Variants in CEP126 observed in about 807,000 individuals in gnomAD.
CEP126 encodes centrosomal protein 126.
In CEP126, 74 loss-of-function variants were observed where a neutral mutation model predicts 107.8. The ratio of observed to expected loss-of-function variants is 0.69; its 90% confidence interval spans 0.57 to 0.83. The LOEUF (loss-of-function observed/expected upper bound fraction) is 0.83, where lower values mean the gene tolerates loss of function less well. CEP126 is among the 40% of genes least tolerant of loss of function. CEP126 has a pLI of 0.00. For synonymous variants in CEP126, 449 were observed against 446.0 expected (o/e 1.01, Z -0.08); for missense variants, 1,237 against 1,281.9 (o/e 0.96, Z 0.53).
At chr11:101,975,240 TG>T (rs1401302979) in intron 6 of CEP126, among the ~76,000 whole-genome samples, 2 of 152,234 alleles carry the variant, frequency 1.3e-5, no homozygotes, top group Non-Finnish European at 2.9e-5. Flanking sequence ...GTTCGTCAAT[TG>T]TGAAATCAAC....
chr11:101,984,011 C>A (rs751815557), intron 8 of CEP126, among the ~76,000 whole-genome samples: 6 of 152,202 alleles, frequency 3.9e-5, no homozygotes, highest in Non-Finnish European at 7.3e-5. Flanking sequence ...TATTCTTTGA[C>A]AACTGTTCTT....
intron 6 of CEP126, among the ~76,000 whole-genome samples, chr11:101,972,166 G>A (rs1591289437): frequency 6.6e-6 from 1 of 151,810 alleles, no homozygotes; most frequent in South Asian, 2.1e-4. Context: ...GGTGGGTCAC[G>A]CCTGTAATCC....
intron 2 of CEP126, among the ~76,000 whole-genome samples, chr11:101,938,623 GGAT>G (rs1940625875): frequency 6.6e-6 from 1 of 151,860 alleles, no homozygotes; most frequent in South Asian, 2.1e-4. Context: ...CAAGGTAGGA[GGAT>G]TTCTTGAGGC....
Position 101,922,671 on chromosome 11 carries a change from A to G in CEP126, c.159A>G (p.Leu53=), listed in dbSNP as rs777475089. 1 of 1,608,204 alleles carries G rather than the reference A, an allele frequency of 6.2e-7. No homozygotes were observed. The highest frequency in any genetic ancestry group is 8.5e-7 in the Non-Finnish European group (1 of 1,174,846). ...LDMKIHLEKN[L]EEERQILLQQ... is the part of the protein sequence containing the mutation. ...TGAAAATCCATCTGGAGAAAAATTT[A>G]GAAGAAGAGCGCCAGATATTACTGC... The change falls in exon 2 of 11, where the codon TTA becomes TTG. Residue 53 remains leucine, a synonymous_variant. Transcript: ENST00000263468.
intron 3 of CEP126, among the ~76,000 whole-genome samples, chr11:101,946,089 C>A (rs1388960439): frequency 6.6e-6 from 1 of 151,764 alleles, no homozygotes; most frequent in African/African-American, 2.4e-5. Flanking sequence ...TAAATTAAAG[C>A]AGTGCACTGA....
intron 9 of CEP126, among the ~76,000 whole-genome samples, chr11:101,991,042 G>A (rs1941373594): frequency 6.6e-6 from 1 of 151,936 alleles, no homozygotes; most frequent in African/African-American, 2.4e-5. Context: ...CAGGCATGGT[G>A]GCACATACCT....
chr11:101,956,150 G>A (rs1328879259), intron 4 of CEP126: 1 of 456,434 alleles, frequency 2.2e-6, no homozygotes, highest in African/African-American at 2.0e-5. Flanking sequence ...TCCTGACCCT[G>A]AGTCACAGCA....
chr11:101,936,764 G>A (rs1344828337), intron 2 of CEP126, among the ~76,000 whole-genome samples: 1 of 152,124 alleles, frequency 6.6e-6, no homozygotes, highest in Non-Finnish European at 1.5e-5. Flanking sequence ...GAATTTTTAT[G>A]AATGTGCATT....
rs1565359701 is a variant in CEP126 at position 101,958,231 on chromosome 11, C to G, written c.570C>G (p.Leu190=). 2.5e-6 allele frequency: 4 copies of G among 1,613,976 alleles called. No individual in the cohort carries two copies. The highest frequency in any genetic ancestry group is 3.4e-6 in the Non-Finnish European group (4 of 1,179,926). ...SKNDHKHQKQ[L]LSKINCEKEM... The stretch of plus-strand genomic sequence containing the variant: ...ATGATCACAAGCATCAGAAACAACT[C>G]TTATCCAAAATCAATTGTGAGAAAG... The change falls in exon 5 of 11, where the codon CTC becomes CTG. Residue 190 remains leucine (L), a synonymous_variant. Coordinates refer to ENST00000263468, the MANE Select transcript of CEP126 (RefSeq NM_020802.4).
rs146561837 is a variant in CEP126 at position 101,939,927 on chromosome 11, C to G, written c.249-4338C>G. ...AAGGACAGACCATCAAAGCATTTGC[C>G]CAGGAAACAAATCTGTAAGTATCAC... is the stretch of plus-strand genomic sequence containing the variant. On this transcript the variant is annotated intron_variant, in intron 2 of 10. Transcript: ENST00000263468. 2.6e-4 allele frequency among the ~76,000 whole-genome samples: 39 copies of G among 152,210 alleles called. No individual in the cohort carries two copies. The East Asian group carries it at 4.6e-3, about 18-fold the overall frequency.
Position 101,961,930 on chromosome 11 carries a change from G to T in CEP126, c.895G>T (p.Asp299Tyr). Reference sequence around the variant, plus strand: ...AACTAATCTCAGCTGCTTTGATGAAGATAAACTGGCATTCTCTAAAACTCA... The same window carrying T: ...AACTAATCTCAGCTGCTTTGATGAATATAAACTGGCATTCTCTAAAACTCA... ...QSTNLSCFDEDKLAFSKTQHI... is the reference protein window; with the variant it reads ...QSTNLSCFDEYKLAFSKTQHI... Residue 299 changes from aspartate to tyrosine, a missense_variant, in exon 6 of 11, where the codon GAT (aspartate) becomes TAT (tyrosine). Asp to Tyr is a radical substitution (Grantham distance 160). Around this residue, in one of 3 missense-constraint regions of CEP126, gnomAD observed 1,134 missense variants for 1,150.5 expected, o/e 0.99. Transcript: ENST00000263468. 6.2e-7 allele frequency: 1 copy of T among 1,611,872 alleles called. No homozygotes were observed. Among genetic ancestry groups the T allele is most frequent in the African/African-American group, 1.3e-5 (1 of 74,984 alleles).
chr11:101,992,929 A>G, intron 10 of CEP126, 87 bp downstream of exon 10: 2 of 1,208,082 alleles, frequency 1.7e-6, no homozygotes, highest in Non-Finnish European at 2.1e-6. Context: ...ACCCCGTATT[A>G]ATATTAATAT....
At chr11:101,956,662 T>C (rs1253782305) in intron 4 of CEP126, 1 of 456,348 alleles carries the variant, frequency 2.2e-6, no homozygotes, top group East Asian at 7.0e-5. Context: ...CATCTATCCC[T>C]CTTTTTTCCT....
rs201785955 is a variant in CEP126, at chr11:101,992,810, A to G, written c.3277A>G (p.Ile1093Val). 4.6e-6 allele frequency: 7 copies of G among 1,537,462 alleles called. No homozygotes were observed. The highest frequency in any genetic ancestry group is 6.1e-6 in the Non-Finnish European group (7 of 1,143,020). ...AGAATCCATTTGCAAAAACCCATCC[A>G]TCAAAAATACTTTACAAATAATACC... ...IQESICKNPS[I>V]KNTLQIIPLL... Residue 1093 changes from isoleucine (I) to valine (V), a missense_variant, in exon 10 of 11, where the codon ATC (isoleucine) becomes GTC (valine). This residue lies in a region of CEP126 where 99 missense variants were observed against 114.4 expected (regional missense o/e 0.87). Coordinates refer to ENST00000263468, the MANE Select transcript of CEP126 (RefSeq NM_020802.4).
intron 3 of CEP126, among the ~76,000 whole-genome samples, chr11:101,944,950 T>A (rs1012074071): frequency 6.6e-6 from 1 of 152,186 alleles, no homozygotes; most frequent in African/African-American, 2.4e-5. Context: ...CAAAGCTTCA[T>A]AAAGAATAGT....
In CEP126 at chr11:101,986,225, C is replaced by G. The variant is rs193058464; in HGVS notation, c.3035-607C>G. On this transcript the variant is annotated intron_variant, in intron 8 of 10. Transcript: ENST00000263468. ...CTTGAACTCCTGACCTCAAGTGATT[C>G]ACCTGCCTCAGCCTTCCAAGGTGCT... Among the ~76,000 whole-genome samples, 439 of 152,270 alleles carry G rather than the reference C, an allele frequency of 2.9e-3. 3 individuals are homozygous for G. Among genetic ancestry groups the G allele is most frequent in the South Asian group, 5.0e-3 (24 of 4,822 alleles).
At chr11:101,955,848 T>C (rs1940879136) in intron 4 of CEP126, 1 of 456,276 alleles carries the variant, frequency 2.2e-6, no homozygotes, top group African/African-American at 2.0e-5. Context: ...CCTGATCAAC[T>C]GTCTCCTCCA....
At chr11:101,949,290 A>G (rs746370356) in intron 4 of CEP126, among the ~76,000 whole-genome samples, 48 of 152,234 alleles carry the variant, frequency 3.2e-4, no homozygotes, top group Non-Finnish European at 5.9e-4. Flanking sequence ...AGAGGAGTCA[A>G]TGAATAATTT....
intron 6 of CEP126, among the ~76,000 whole-genome samples, chr11:101,970,946 G>A (rs976593585): frequency 2.0e-5 from 3 of 152,070 alleles, no homozygotes; most frequent in Non-Finnish European, 4.4e-5. Context: ...ATGATTCTAT[G>A]TTCTTAACTA....
Sources: gnomAD v4.1 joint callset for allele counts (sites outside exome capture counted in the v4.1 genomes callset) on GRCh38, gnomAD v4.1.1 for gene constraint, gnomAD v4.1.1 regional missense constraint, MANE v1.5 for transcripts, NCBI Gene and HGNC (gene_info 2026-07-23, HGNC 2026-07-21) for gene names.